CLIP1: variants seen among roughly 807,000 people sequenced by gnomAD.
CLIP1 encodes CAP-Gly domain containing linker protein 1.
CLIP1 carries 66 observed loss-of-function variants against 161.6 expected under a neutral mutation model. That is an observed-to-expected ratio of 0.41 (90% CI 0.33 to 0.50). The LOEUF is 0.50. Among genes scored for constraint, CLIP1 ranks in the 20% least tolerant of loss-of-function variants. CLIP1 has a pLI of 0.27. For missense variants in CLIP1, 1,376 were observed against 1,702.0 expected (o/e 0.81, Z 3.37); for synonymous variants, 598 against 626.2 (o/e 0.96, Z 0.67).
At chr12:122,313,215 GA>G (rs1951129015) in intron 19 of CLIP1, among the ~76,000 whole-genome samples, 1 of 152,156 alleles carries the variant, frequency 6.6e-6, no homozygotes, top group African/African-American at 2.4e-5. Flanking sequence ...TGTTGGGGCA[GA>G]AAAATAGTAG....
At position 122,334,676 on chromosome 12, in the gene CLIP1, C is replaced by T. The variant is rs745534508; in HGVS notation, c.2598G>A (p.Glu866=). 8.2e-6 allele frequency: 13 copies of T among 1,588,008 alleles called. No individual in the cohort carries two copies. In the East Asian group the frequency reaches 2.7e-4, roughly 33 times the overall value. ...GCATACTTCTCTGAACAGAGACTGC[C>T]TCCTCTGAAGCTTCAGCAAACTTTT... is the stretch of plus-strand genomic sequence containing the variant. The part of the protein sequence containing the change: ...LKEKFAEASE[E]AVSVQRSMQE... The change falls in exon 13 of 26, where the codon GAG becomes GAA. Residue 866 remains glutamate, a synonymous_variant. Transcript: ENST00000620786.
chr12:122,399,985 T>C (rs933520587), intron 1 of CLIP1: 12 of 152,314 alleles, frequency 7.9e-5, no homozygotes, highest in Admixed American at 7.2e-4. Context: ...ATCATATTCC[T>C]GGGTTTGGGA....
intron 1 of CLIP1, among the ~76,000 whole-genome samples, chr12:122,409,879 T>A (rs899733917): frequency 1.3e-5 from 2 of 150,570 alleles, no homozygotes; most frequent in Admixed American, 6.6e-5. Flanking sequence ...TTTTTATTTT[T>A]TTTTTTTTTG....
intron 5 of CLIP1, among the ~76,000 whole-genome samples, chr12:122,360,395 G>A (rs1433886966): frequency 6.9e-6 from 1 of 144,760 alleles, no homozygotes; most frequent in East Asian, 2.0e-4. Context: ...GCAACACAGT[G>A]GGTCCCTCTC....
chr12:122,303,857 C>A (rs192426187), intron 20 of CLIP1, among the ~76,000 whole-genome samples: 4 of 152,270 alleles, frequency 2.6e-5, no homozygotes, highest in Non-Finnish European at 1.5e-5. Flanking sequence ...TGTCCTCCCC[C>A]TGATTCCATC....
At chr12:122,321,567 G>T (rs1461906003) in intron 17 of CLIP1, among the ~76,000 whole-genome samples, 2 of 152,044 alleles carry the variant, frequency 1.3e-5, no homozygotes, top group Non-Finnish European at 2.9e-5. Context: ...CAACCAGGCT[G>T]GAGTGCAATG....
intron 3 of CLIP1, among the ~76,000 whole-genome samples, chr12:122,374,001 T>C (rs1448245067): frequency 6.6e-6 from 1 of 151,962 alleles, no homozygotes; most frequent in Non-Finnish European, 1.5e-5. Context: ...CTTGTAAATA[T>C]TTTTTTTAAT....
At chr12:122,307,472 C>T (rs1476725928) in intron 20 of CLIP1, among the ~76,000 whole-genome samples, 1 of 152,168 alleles carries the variant, frequency 6.6e-6, no homozygotes, top group Non-Finnish European at 1.5e-5. Flanking sequence ...TGGGTCAGTA[C>T]TTACCTTTCC....
intron 19 of CLIP1, 135 bp from the exon 20 acceptor site, chr12:122,310,017 A>G: frequency 1.1e-6 from 1 of 936,582 alleles, no homozygotes; most frequent in Non-Finnish European, 1.6e-6. Flanking sequence ...AACAGCAGAC[A>G]GTATTATCTA....
At chr12:122,387,288 C>A (rs948276586) in intron 1 of CLIP1, among the ~76,000 whole-genome samples, 4 of 152,038 alleles carry the variant, frequency 2.6e-5, no homozygotes, top group Non-Finnish European at 5.9e-5. Flanking sequence ...AAACTATTTT[C>A]ATAATAATAC....
At chr12:122,303,953 G>C (rs368729893) in intron 20 of CLIP1, among the ~76,000 whole-genome samples, 85 of 152,312 alleles carry the variant, frequency 5.6e-4, no homozygotes, top group South Asian at 1.7e-3. Context: ...CAGCAAGCAG[G>C]AAGGAAGGGC....
intron 12 of CLIP1, among the ~76,000 whole-genome samples, chr12:122,335,377 C>T (rs1334410254): frequency 6.6e-6 from 1 of 151,730 alleles, no homozygotes; most frequent in Non-Finnish European, 1.5e-5. Context: ...TGCCATCCCA[C>T]AGCCAGACTC....
chr12:122,420,069 T>C (rs958373217), intron 1 of CLIP1, among the ~76,000 whole-genome samples: 1 of 150,426 alleles, frequency 6.6e-6, no homozygotes. Flanking sequence ...AGGCCAGGCG[T>C]GGTGGCTCAC....
At chr12:122,331,762 A>C (rs1259753469) in intron 15 of CLIP1, among the ~76,000 whole-genome samples, 1 of 152,024 alleles carries the variant, frequency 6.6e-6, no homozygotes, top group African/African-American at 2.4e-5. Context: ...TGGGCGGCCA[A>C]GGCGGCCAGA....
chr12:122,402,303 C>T (rs1388907453), intron 1 of CLIP1, among the ~76,000 whole-genome samples: 1 of 152,150 alleles, frequency 6.6e-6, no homozygotes, highest in African/African-American at 2.4e-5. Context: ...GCCTGAGCAA[C>T]ATAGTGAGAC....
chr12:122,326,408 G>C (rs372733243), intron 17 of CLIP1, among the ~76,000 whole-genome samples: 1 of 152,206 alleles, frequency 6.6e-6, no homozygotes, highest in African/African-American at 2.4e-5. Flanking sequence ...GGCCAGGAAC[G>C]ATGAATCACG....
intron 7 of CLIP1, among the ~76,000 whole-genome samples, chr12:122,353,850 C>T (rs1238152873): frequency 1.3e-5 from 2 of 151,706 alleles, no homozygotes; most frequent in African/African-American, 4.8e-5. Context: ...ACGTTGGTCT[C>T]GAACTTCTGA....
chr12:122,345,303 G>A (rs536295607), intron 10 of CLIP1, among the ~76,000 whole-genome samples: 76 of 149,850 alleles, frequency 5.1e-4, no homozygotes, highest in African/African-American at 1.8e-3. Context: ...AGCCTGCCAT[G>A]TAGCCACCAC....
intron 25 of CLIP1, among the ~76,000 whole-genome samples, chr12:122,273,459 C>G (rs1019638819): frequency 2.0e-5 from 3 of 152,060 alleles, no homozygotes; most frequent in Non-Finnish European, 4.4e-5. Flanking sequence ...CCAAGTTAGC[C>G]AAGTTGGTCT....
Sources: allele counts gnomAD v4.1 joint callset (sites outside exome capture counted in the v4.1 genomes callset), GRCh38; gene constraint gnomAD v4.1.1; transcripts MANE v1.5; gene names NCBI Gene and HGNC (gene_info 2026-07-23, HGNC 2026-07-21).